The following MAP3K14 variants were observed in gnomAD, a reference collection of about 807,000 sequenced individuals.
MAP3K14 encodes NF-kappa-beta-inducing kinase.
Under a neutral mutation model 99.2 loss-of-function variants are expected in MAP3K14, and 16 were observed. The observed-to-expected ratio is 0.16, with a 90% CI of 0.11 to 0.24. The LOEUF (loss-of-function observed/expected upper bound fraction) is 0.24, where lower values mean the gene tolerates loss of function less well. Ranked by LOEUF, MAP3K14 falls within the 10% of genes least tolerant of loss-of-function variation. The probability of loss-of-function intolerance (pLI) is 1.00; values close to 1 mark genes in which losing one functional copy is unlikely to be tolerated. For missense variants in MAP3K14, 784 were observed against 1,208.7 expected (o/e 0.65, Z 5.21); for synonymous variants, 462 against 492.4 (o/e 0.94, Z 0.82).
At chr17:45,279,106 C>T (rs1567991747) in intron 6 of MAP3K14, among the ~76,000 whole-genome samples, 1 of 152,198 alleles carries the variant, frequency 6.6e-6, no homozygotes, top group African/African-American at 2.4e-5. Context: ...ACTTTTTCCT[C>T]CTTGAACTTC....
At chr17:45,287,800 C>T (rs897440620) in intron 3 of MAP3K14, among the ~76,000 whole-genome samples, 31 of 152,152 alleles carry the variant, frequency 2.0e-4, no homozygotes, top group African/African-American at 6.3e-4. Flanking sequence ...GCAGGCCTCT[C>T]AGCTCTGACT....
intron 1 of MAP3K14, among the ~76,000 whole-genome samples, chr17:45,313,802 G>A (rs773177132): frequency 1.3e-5 from 2 of 152,168 alleles, no homozygotes; most frequent in Non-Finnish European, 2.9e-5. Context: ...TGACATGTTT[G>A]GGGGAAGAAA....
Position 45,286,448 on chromosome 17 carries a change from C to A in MAP3K14, c.1135G>T (p.Gly379Cys). The change falls in exon 5 of 16, where the codon GGT becomes TGT. Residue 379 changes from glycine (G) to cysteine (C), a missense_variant. Coordinates refer to ENST00000344686, the MANE Select transcript of MAP3K14 (RefSeq NM_003954.5). This position sits in a 1 kb window ranked among gnomAD's most constrained non-coding sequence, Gnocchi z 4.1. Reference protein sequence around the residue: ...EPSPKTEDNEGVLLTEKLKPV... With the variant: ...EPSPKTEDNECVLLTEKLKPV... Reference sequence around the variant, plus strand: ...TTAGTTACCTCAGTGAGCAGGACACCCTCGTTGTCCTCAGTTTTGGGGCTG... The same window carrying A: ...TTAGTTACCTCAGTGAGCAGGACACACTCGTTGTCCTCAGTTTTGGGGCTG... 6.3e-7 allele frequency: 1 copy of A among 1,597,748 alleles called. No individual in the cohort carries two copies. Among genetic ancestry groups the A allele is most frequent in the Non-Finnish European group, 8.5e-7 (1 of 1,169,930 alleles).
chr17:45,306,800 G>GC (rs2044433925), intron 1 of MAP3K14, among the ~76,000 whole-genome samples: 1 of 152,136 alleles, frequency 6.6e-6, no homozygotes, highest in African/African-American at 2.4e-5. Context: ...CACAAGGAGA[G>GC]CCAACAGCAA....
chr17:45,302,693 G>A (rs551149695), intron 1 of MAP3K14, among the ~76,000 whole-genome samples: 62 of 152,370 alleles, frequency 4.1e-4, no homozygotes, highest in Non-Finnish European at 4.1e-4. Flanking sequence ...GTCCACACTT[G>A]AGATTGGGGC....
Position 45,286,804 on chromosome 17 carries a change from T to G in MAP3K14, c.779A>C (p.Tyr260Ser). 1 of 1,613,094 alleles carries G rather than the reference T, an allele frequency of 6.2e-7. No individual in the cohort carries two copies. Among genetic ancestry groups the G allele is most frequent in the Non-Finnish European group, 8.5e-7 (1 of 1,179,540 alleles). ...PLPLPTHPFP[Y>S]SRLPHPFPFH... ...TGGGAAGGGATGAGGCAGTCTGCTA[T>G]AGGGGAAGGGGTGCGTGGGCAGGGG... The change falls in exon 5 of 16, where the codon TAT (tyrosine) becomes TCT (serine). Residue 260 changes from tyrosine to serine, a missense_variant. Transcript: ENST00000344686. The surrounding 1 kb of genome is among the most constrained non-coding windows in gnomAD (Gnocchi z 4.1).
intron 6 of MAP3K14, among the ~76,000 whole-genome samples, chr17:45,276,422 C>G (rs1235656233): frequency 6.6e-6 from 1 of 152,194 alleles, no homozygotes; most frequent in Non-Finnish European, 1.5e-5. Context: ...TGGTAACTGA[C>G]ACCAGGCCTG....
chr17:45,273,762 A>T, intron 8 of MAP3K14, 155 bp from the exon 9 acceptor site: 1 of 703,286 alleles, frequency 1.4e-6, no homozygotes, highest in Non-Finnish European at 2.6e-6. Flanking sequence ...ATCGTGGAGG[A>T]AGGGAGGAGG....
chr17:45,288,056 T>C (rs1428585090), intron 3 of MAP3K14, among the ~76,000 whole-genome samples: 1 of 152,222 alleles, frequency 6.6e-6, no homozygotes, highest in Non-Finnish European at 1.5e-5. Flanking sequence ...AGAACAGCTG[T>C]GGAGCAGATC....
chr17:45,289,563 A>C (rs947100917), intron 2 of MAP3K14, among the ~76,000 whole-genome samples: 2 of 152,174 alleles, frequency 1.3e-5, no homozygotes, highest in African/African-American at 4.8e-5. Flanking sequence ...TGGGGATCAC[A>C]GGGCGCCCGC....
Position 45,270,534 on chromosome 17 carries a change from C to A in MAP3K14, c.1851G>T (p.Glu617Asp). Residue 617 changes from glutamate to aspartate, a missense_variant, in exon 11 of 16, where the codon GAG (glutamate) becomes GAT (aspartate). Physicochemically the swap from Glu to Asp is conservative, Grantham distance 45. Around this residue, in one of 5 missense-constraint regions of MAP3K14, gnomAD observed 200 missense variants for 367.9 expected, o/e 0.54. Coordinates refer to ENST00000344686, the MANE Select transcript of MAP3K14 (RefSeq NM_003954.5). ...KIASEPPPVR[E>D]IPPSCAPLTA... ...TGAGAGGGGCGCAGGAGGGTGGGAT[C>A]TCCCTCACAGGCGGAGGCTCGCTGG... 6.3e-7 allele frequency: 1 copy of A among 1,575,374 alleles called. No homozygotes were observed.
chr17:45,311,298 G>A (rs1170700035), intron 1 of MAP3K14, among the ~76,000 whole-genome samples: 1 of 152,200 alleles, frequency 6.6e-6, no homozygotes, highest in East Asian at 1.9e-4. Context: ...AGACTGATGG[G>A]GTATGGGTAC....
rs2143789384 is a variant in MAP3K14, at chr17:45,273,492, G to C, written c.1657+11C>G. The C allele has an allele frequency of 6.3e-7, 1 of 1,594,046 alleles. No individual in the cohort carries two copies. Among genetic ancestry groups the C allele is most frequent in the Middle Eastern group, 1.7e-4 (1 of 5,912 alleles). ...GCATTGGGGGGCACGGCAGTTGGTG[G>C]GGGGCCTTACCTGTGAGCAAGGACT... On this transcript the variant is annotated intron_variant, in intron 9 of 15. Transcript: ENST00000344686.
At chr17:45,288,961 AG>A (rs547957191) in intron 3 of MAP3K14, among the ~76,000 whole-genome samples, 53 of 152,278 alleles carry the variant, frequency 3.5e-4, no homozygotes, top group African/African-American at 1.1e-3. Context: ...ATGGGAAACG[AG>A]GGGGTGCATT....
At chr17:45,298,908 C>T (rs559534179) in intron 1 of MAP3K14, among the ~76,000 whole-genome samples, 1 of 152,292 alleles carries the variant, frequency 6.6e-6, no homozygotes, top group African/African-American at 2.4e-5. Flanking sequence ...AGAGCGACAC[C>T]TAGTCCAGCC....
chr17:45,284,554 T>C (rs1310165941), intron 6 of MAP3K14, among the ~76,000 whole-genome samples: 1 of 152,240 alleles, frequency 6.6e-6, no homozygotes, highest in Non-Finnish European at 1.5e-5. Flanking sequence ...CCTGGCTGTA[T>C]TGAGACACCG....
rs911283426 is a variant in MAP3K14, at chr17:45,265,354, A to G, written c.2579-91T>C. On this transcript the variant is annotated intron_variant, in intron 14 of 15. Coordinates refer to ENST00000344686, the MANE Select transcript of MAP3K14 (RefSeq NM_003954.5). The stretch of plus-strand genomic sequence containing the variant: ...CAGGGGCTGGGGGAACGTTTTTGTT[A>G]AAAGTCACTCTGCCCTATGTAGGGG... The G allele has an allele frequency of 6.2e-5, 51 of 825,186 alleles. 1 individual carries two copies. In the South Asian group the frequency reaches 6.7e-4, roughly 11 times the overall value. 51.1% of individuals were successfully genotyped at this position (825,186 alleles called of 1,614,324 possible).
intron 1 of MAP3K14, among the ~76,000 whole-genome samples, chr17:45,295,220 A>G (rs1259470236): frequency 7.3e-6 from 1 of 137,602 alleles, no homozygotes; most frequent in Admixed American, 7.2e-5. Context: ...TCTAGCCTTA[A>G]CAATTTTTTT....
chr17:45,288,354 G>A (rs1225701832), intron 3 of MAP3K14, among the ~76,000 whole-genome samples: 1 of 151,730 alleles, frequency 6.6e-6, no homozygotes, highest in Non-Finnish European at 1.5e-5. Flanking sequence ...GATAGGGGAA[G>A]GAGCTGTTTC....
Sources: gnomAD v4.1 joint callset for allele counts (sites outside exome capture counted in the v4.1 genomes callset) on GRCh38, gnomAD v4.1.1 for gene constraint, gnomAD v4.1.1 regional missense constraint, Gnocchi (gnomAD v3.1) non-coding constraint, MANE v1.5 for transcripts, NCBI Gene and HGNC (gene_info 2026-07-23, HGNC 2026-07-21) for gene names.